AKAP9: variants seen among roughly 807,000 people sequenced by gnomAD.
AKAP9 encodes A-kinase anchoring protein 9, also known as A-kinase anchor protein 9.
In AKAP9, 311 loss-of-function variants were observed where a neutral mutation model predicts 488.5. That is an observed-to-expected ratio of 0.64 (90% CI 0.58 to 0.70). AKAP9 has a LOEUF of 0.70. AKAP9 is among the 30% of genes least tolerant of loss of function. The probability of loss-of-function intolerance (pLI) is 0.00; values close to 1 mark genes in which losing one functional copy is unlikely to be tolerated. For synonymous variants in AKAP9, 1,462 were observed against 1,483.5 expected, an observed-to-expected ratio of 0.99 and a Z score of 0.33; for missense variants, 4,215 against 4,374.5, an observed-to-expected ratio of 0.96 and a Z score of 1.03.
intron 37 of AKAP9, among the ~76,000 whole-genome samples, chr7:92,089,028 A>G (rs995630868): frequency 1.3e-5 from 2 of 152,170 alleles, no homozygotes; most frequent in Non-Finnish European, 2.9e-5. Flanking sequence ...ATGAAAGACA[A>G]AGAAAGACTT....
intron 1 of AKAP9, among the ~76,000 whole-genome samples, chr7:91,960,123 A>G (rs1193476586): frequency 1.3e-5 from 2 of 152,156 alleles, no homozygotes; most frequent in Non-Finnish European, 2.9e-5. Flanking sequence ...ATTAGAATTA[A>G]TTGGTATTTC....
chr7:92,076,837 A>C lies in AKAP9; in HGVS notation c.6613-18A>C, dbSNP rs1424987372. 4.4e-6 allele frequency: 6 copies of C among 1,364,972 alleles called. No homozygotes were observed. In the Admixed American group the frequency reaches 1.2e-4, roughly 27 times the overall value. 84.6% of individuals were successfully genotyped at this position (1,364,972 alleles called of 1,614,324 possible). A position where few individuals can be genotyped will look rare whatever the true frequency, so the allele number is the denominator to read the frequency against. On this transcript the variant is annotated intron_variant, in intron 28 of 49. Transcript: ENST00000356239. ...TTGTATAAACATTTTTTCTCTTTTG[A>C]TAATTTTGTTATTAAAGATTACAAA...
intron 28 of AKAP9, among the ~76,000 whole-genome samples, chr7:92,072,830 T>G (rs1287605247): frequency 6.6e-6 from 1 of 152,202 alleles, no homozygotes; most frequent in Non-Finnish European, 1.5e-5. Flanking sequence ...CAGTACTAAG[T>G]ATTTAAATGC....
In AKAP9 at chr7:92,045,070, C is replaced by G; in HGVS notation, c.5225C>G (p.Thr1742Arg). The change falls in exon 21 of 50, where the codon ACA (threonine) becomes AGA (arginine). Residue 1742 changes from threonine (T) to arginine (R), a missense_variant. Transcript: ENST00000356239. ...LKILLEVVKT[T>R]AAVEETIGRH... ...ATCCTCTTAGAAGTTGTAAAGACAACAGCAGCTGTTGAAGAAACAATTGGT... is the reference window on the plus strand; with the variant it reads ...ATCCTCTTAGAAGTTGTAAAGACAAGAGCAGCTGTTGAAGAAACAATTGGT... 6.2e-7 allele frequency: 1 copy of G among 1,613,550 alleles called. No individual in the cohort carries two copies. Among genetic ancestry groups the G allele is most frequent in the Non-Finnish European group, 8.5e-7 (1 of 1,179,876 alleles).
In AKAP9 at chr7:92,079,306, T is replaced by C. The variant is rs1301124770; in HGVS notation, c.7173T>C (p.Val2391=). Residue 2391 remains valine, a synonymous_variant, in exon 31 of 50, where the codon GTT becomes GTC. Coordinates refer to ENST00000356239, the MANE Select transcript of AKAP9 (RefSeq NM_005751.5). ...GTTTAAAACATCAATTGGATGTGGT[T>C]ATAGCTGAAAAGCTGGCCTTGGAAC... The part of the protein sequence containing the change: ...ADSLKHQLDV[V]IAEKLALEQQ... 3.7e-6 allele frequency: 6 copies of C among 1,613,970 alleles called. No individual in the cohort carries two copies. In the Admixed American group the frequency reaches 6.7e-5, roughly 18 times the overall value.
intron 26 of AKAP9, 110 bp from the exon 27 acceptor site, chr7:92,069,920 T>G: frequency 6.3e-6 from 6 of 956,072 alleles, no homozygotes; most frequent in Non-Finnish European, 7.9e-6. Context: ...ACGTTTCAGA[T>G]TTTGGAGCAT....
intron 2 of AKAP9, among the ~76,000 whole-genome samples, chr7:91,977,338 C>A (rs995664611): frequency 1.3e-5 from 2 of 152,058 alleles, no homozygotes; most frequent in African/African-American, 4.8e-5. Flanking sequence ...GGGCAGATCA[C>A]GAGGTCAGGA....
intron 22 of AKAP9, among the ~76,000 whole-genome samples, chr7:92,059,384 C>G (rs1447516840): frequency 6.8e-6 from 1 of 147,592 alleles, no homozygotes; most frequent in African/African-American, 2.5e-5. Flanking sequence ...TGGATCTCAT[C>G]TGCTATAATA....
intron 18 of AKAP9, 81 bp downstream of exon 18, chr7:92,040,979 CAA>C: frequency 8.6e-7 from 1 of 1,156,930 alleles, no homozygotes; most frequent in East Asian, 2.6e-5. Context: ...CCAATTAAAA[CAA>C]CAGTATTTTT....
At chr7:92,029,118 C>T (rs1803795869) in intron 14 of AKAP9, among the ~76,000 whole-genome samples, 1 of 150,492 alleles carries the variant, frequency 6.6e-6, no homozygotes, top group African/African-American at 2.5e-5. Context: ...ATAATTTGCT[C>T]CTTTTTTTTT....
At chr7:92,081,465 C>T (rs566295512) in intron 31 of AKAP9, among the ~76,000 whole-genome samples, 100 of 138,920 alleles carry the variant, frequency 7.2e-4, no homozygotes, top group African/African-American at 2.4e-3. Context: ...CCACCACACC[C>T]GGCTAATTTA....
chr7:91,951,108 T>C (rs888473565), intron 1 of AKAP9, among the ~76,000 whole-genome samples: 1 of 151,988 alleles, frequency 6.6e-6, no homozygotes, highest in Admixed American at 6.5e-5. Context: ...AGGTTTTTTT[T>C]TTAGTTGAGA....
intron 7 of AKAP9, among the ~76,000 whole-genome samples, chr7:91,998,726 T>C (rs962416279): frequency 6.6e-6 from 1 of 152,094 alleles, no homozygotes; most frequent in African/African-American, 2.4e-5. Flanking sequence ...TTAACTGGAA[T>C]TGACCACCAT....
intron 1 of AKAP9, among the ~76,000 whole-genome samples, chr7:91,948,618 T>C: frequency 6.8e-6 from 1 of 147,852 alleles, no homozygotes; most frequent in East Asian, 2.0e-4. Flanking sequence ...TTTTTTTTTT[T>C]TTTTTTTTTT....
chr7:92,007,791 A>T (rs1800122636), intron 8 of AKAP9, among the ~76,000 whole-genome samples: 1 of 152,238 alleles, frequency 6.6e-6, no homozygotes, highest in South Asian at 2.1e-4. Flanking sequence ...TAATTGGTGT[A>T]TAGTTTATCT....
At chr7:92,097,484 G>C in intron 41 of AKAP9, 102 bp from the exon 42 acceptor site, 2 of 1,489,622 alleles carry the variant, frequency 1.3e-6, no homozygotes, top group South Asian at 2.4e-5. Flanking sequence ...GAAATCTATA[G>C]AAGTTTATTG....
chr7:92,066,433 GC>G lies in AKAP9; in HGVS notation c.6219del (p.Ile2074LeufsTer17). On this transcript the variant is annotated frameshift_variant, in exon 26 of 50. Transcript: ENST00000356239. LOFTEE classifies it high-confidence loss of function. Reference protein sequence around the residue: ...EKMRKFLDEQAIDREHERDVF... With the variant: ...EKMRKFLDEQXIDREHERDVF... Reference sequence around the variant, plus strand: ...TATTGTCATTAAACTTTAGGAGCAAGCCATTGACAGAGAACATGAGAGAGAT... The same window carrying G: ...TATTGTCATTAAACTTTAGGAGCAAGCATTGACAGAGAACATGAGAGAGAT... 2 of 1,613,092 alleles carry G rather than the reference GC, an allele frequency of 1.2e-6. No homozygotes were observed. The highest frequency in any genetic ancestry group is 1.7e-6 in the Non-Finnish European group (2 of 1,179,340).
At chr7:91,952,417 A>G (rs982506774) in intron 1 of AKAP9, among the ~76,000 whole-genome samples, 7 of 152,304 alleles carry the variant, frequency 4.6e-5, no homozygotes, top group South Asian at 2.1e-4. Flanking sequence ...TAAATACACA[A>G]TGGGTAATAT....
chr7:92,003,144 C>A lies in AKAP9; in HGVS notation c.3227C>A (p.Pro1076Gln). ...GAACAGTTGATTTTGGATCACTTAC[C>A]ATCTGTAACAAAGGAATCATCACTT... ...KQEQLILDHL[P>Q]SVTKESSLRA... is the part of the protein sequence containing the mutation. Residue 1076 changes from proline (P) to glutamine (Q), a missense_variant, in exon 8 of 50, where the codon CCA (proline) becomes CAA (glutamine). Transcript: ENST00000356239. The A allele has an allele frequency of 6.2e-7, 1 of 1,610,980 alleles. No homozygotes were observed. The highest frequency in any genetic ancestry group is 1.1e-5 in the South Asian group (1 of 90,462).
Sources: gnomAD v4.1 joint callset for allele counts (sites outside exome capture counted in the v4.1 genomes callset) on GRCh38, gnomAD v4.1.1 for gene constraint, MANE v1.5 for transcripts, NCBI Gene and HGNC (gene_info 2026-07-23, HGNC 2026-07-21) for gene names.